RANBP2: variants seen among roughly 807,000 people sequenced by gnomAD.
The protein encoded by RANBP2 is RAN binding protein 2, also known as E3 SUMO-protein ligase RanBP2.
RANBP2 carries 57 observed loss-of-function variants against 303.6 expected under a neutral mutation model. The ratio of observed to expected loss-of-function variants is 0.19; its 90% CI spans 0.15 to 0.23. The LOEUF (loss-of-function observed/expected upper bound fraction) is 0.23, where lower values mean the gene tolerates loss of function less well. RANBP2 is among the 10% of genes least tolerant of loss of function. The probability of loss-of-function intolerance (pLI) is 1.00; values close to 1 mark genes in which losing one functional copy is unlikely to be tolerated. For missense variants in RANBP2, 3,138 were observed against 3,780.8 expected, an observed-to-expected ratio of 0.83 and a Z score of 4.46; for synonymous variants, 1,167 against 1,301.5, an observed-to-expected ratio of 0.90 and a Z score of 2.23.
the RANBP2 span, among the ~76,000 whole-genome samples, chr2:109,221,345 G>A: frequency 0.031 from 4,782 of 152,232 alleles, 214 homozygotes; most frequent in African/African-American, 0.1. Flanking sequence ...CATTTTGGGA[G>A]GCTGAGACAG....
the RANBP2 span, among the ~76,000 whole-genome samples, chr2:109,052,983 T>G: frequency 6.6e-6 from 1 of 152,212 alleles, no homozygotes; most frequent in African/African-American, 2.4e-5. Flanking sequence ...CAGATGGGCA[T>G]GGGGCGTCCC....
the RANBP2 span, among the ~76,000 whole-genome samples, chr2:109,130,687 C>T: frequency 6.6e-6 from 1 of 152,202 alleles, no homozygotes; most frequent in Non-Finnish European, 1.5e-5. Flanking sequence ...CCCTTTTGGA[C>T]TTGGCAGTGT....
At chr2:109,486,323 T>C in the RANBP2 span, among the ~76,000 whole-genome samples, 2 of 152,298 alleles carry the variant, frequency 1.3e-5, no homozygotes, top group East Asian at 3.9e-4. Context: ...TGGAACTCCC[T>C]GATTGTTTCT....
At chr2:109,474,400 C>A in the RANBP2 span, among the ~76,000 whole-genome samples, 1 of 152,152 alleles carries the variant, frequency 6.6e-6, no homozygotes, top group Non-Finnish European at 1.5e-5. Context: ...AAGCTCTCCC[C>A]CTAACAGAGA....
chr2:109,081,151 C>A, the RANBP2 span, among the ~76,000 whole-genome samples: 1 of 152,246 alleles, frequency 6.6e-6, no homozygotes, highest in South Asian at 2.1e-4. Flanking sequence ...AAAATGATAT[C>A]TGCACACACT....
chr2:109,092,230 GAACAGGCCTGTCTTTTGGTAAGCGC>G, the RANBP2 span, among the ~76,000 whole-genome samples: 1 of 152,120 alleles, frequency 6.6e-6, no homozygotes, highest in Admixed American at 6.5e-5. Context: ...AAGCCCTGAG[GAACAGGCCTGTCTTTTGGTAAGCGC>G]AACAGGCCTG....
chr2:109,052,689 G>A, the RANBP2 span, among the ~76,000 whole-genome samples: 11 of 152,182 alleles, frequency 7.2e-5, no homozygotes, highest in African/African-American at 1.7e-4. Context: ...TAGTAGAGAC[G>A]GGGTTTCACC....
At chr2:109,285,031 C>T in the RANBP2 span, among the ~76,000 whole-genome samples, 6 of 152,206 alleles carry the variant, frequency 3.9e-5, no homozygotes, top group East Asian at 1.9e-4. Flanking sequence ...CGCTGTGCCG[C>T]GGGGCCTCTG....
the RANBP2 span, among the ~76,000 whole-genome samples, chr2:109,530,270 C>T: frequency 3.5e-4 from 54 of 152,274 alleles, no homozygotes; most frequent in Middle Eastern, 3.4e-3. Context: ...CACAAAGGAG[C>T]GGCATGTGGT....
At chr2:109,667,013 C>T in the RANBP2 span, 97 of 454,256 alleles carry the variant, frequency 2.1e-4, no homozygotes, top group Middle Eastern at 1.9e-3. Context: ...TGAGAGTCAG[C>T]TGACTCTAGT....
At chr2:108,840,830 CAG>C in the RANBP2 span, among the ~76,000 whole-genome samples, 1 of 136,230 alleles carries the variant, frequency 7.3e-6, no homozygotes, top group Non-Finnish European at 1.6e-5. Context: ...TTTTTTGAGA[CAG>C]AGCCTCACTC....
At chr2:109,151,830 A>T in the RANBP2 span, among the ~76,000 whole-genome samples, 2 of 152,246 alleles carry the variant, frequency 1.3e-5, no homozygotes, top group Non-Finnish European at 2.9e-5. Context: ...ATTGTGGTTT[A>T]TAGGCAACAA....
At chr2:108,776,005 A>T in intron 24 of RANBP2, 69 bp downstream of exon 24, 1 of 1,392,280 alleles carries the variant, frequency 7.2e-7, no homozygotes, top group Non-Finnish European at 9.9e-7. Context: ...ATAGACTTTT[A>T]AAGGCTGATC....
the RANBP2 span, chr2:109,129,521 C>G: frequency 3.3e-6 from 5 of 1,496,210 alleles, no homozygotes; most frequent in Non-Finnish European, 4.4e-6. Flanking sequence ...CCGCGCGAGA[C>G]CGCTGCGGGC....
chr2:109,493,316 C>T, the RANBP2 span, among the ~76,000 whole-genome samples: 5 of 148,438 alleles, frequency 3.4e-5, no homozygotes, highest in East Asian at 2.1e-4. Context: ...TGCAAATATA[C>T]GTACACCATA....
chr2:108,976,521 C>G, the RANBP2 span, among the ~76,000 whole-genome samples: 2 of 152,176 alleles, frequency 1.3e-5, no homozygotes, highest in Non-Finnish European at 2.9e-5. Context: ...GGAGCGCACA[C>G]TTAAGGGAGG....
the RANBP2 span, among the ~76,000 whole-genome samples, chr2:109,061,979 C>A: frequency 6.6e-6 from 1 of 152,128 alleles, no homozygotes; most frequent in African/African-American, 2.4e-5. Flanking sequence ...TCATTAGGGT[C>A]CCAAATGTCC....
the RANBP2 span, among the ~76,000 whole-genome samples, chr2:109,032,878 G>A: frequency 4.6e-5 from 7 of 152,222 alleles, no homozygotes; most frequent in Admixed American, 2.6e-4. Context: ...GAGAACTCCA[G>A]ATGGGCAACT....
chr2:109,127,205 C>CT, the RANBP2 span: 1 of 152,100 alleles, frequency 6.6e-6, no homozygotes, highest in Non-Finnish European at 1.5e-5. Flanking sequence ...TTTCCAGGGA[C>CT]TAGCATCCTG....
Sources: allele counts gnomAD v4.1 joint callset (sites outside exome capture counted in the v4.1 genomes callset), GRCh38; gene constraint gnomAD v4.1.1; transcripts MANE v1.5; gene names NCBI Gene and HGNC (gene_info 2026-07-23, HGNC 2026-07-21).